COMMD3: variants seen among roughly 807,000 people sequenced by gnomAD.
COMMD3 encodes COMM domain-containing protein 3.
A neutral mutation model predicts 31.2 loss-of-function variants in COMMD3; 31 were observed. That is an observed-to-expected ratio of 0.99 (90% confidence interval 0.75 to 1.34). The LOEUF (loss-of-function observed/expected upper bound fraction) is 1.34, where lower values mean the gene tolerates loss of function less well. COMMD3 is among the 40% of genes most tolerant of loss of function. The probability of loss-of-function intolerance (pLI) is 0.00; values close to 1 mark genes in which losing one functional copy is unlikely to be tolerated. For missense variants in COMMD3, 274 were observed against 236.9 expected, an observed-to-expected ratio of 1.16 and a Z score of -1.03; for synonymous variants, 108 against 87.3, an observed-to-expected ratio of 1.24 and a Z score of -1.32.
chr10:22,316,831 G>C (rs1835859303), intron 1 of COMMD3: 1 of 317,806 alleles, frequency 3.1e-6, no homozygotes, highest in Non-Finnish European at 5.6e-6. Flanking sequence ...TAAAGCCGGT[G>C]TTCAAGTCTT....
rs763877450 is a variant in COMMD3, at chr10:22,318,738, C to A, written c.411+25C>A. On this transcript the variant is annotated intron_variant, in intron 5 of 7. Coordinates refer to ENST00000376836, the MANE Select transcript of COMMD3 (RefSeq NM_012071.4). ...GGTAAAGTTTAAGAAACTTCTCTAG[C>A]GGGGGATTTAGGGAACTTCTTAAAA... 1.1e-5 allele frequency: 17 copies of A among 1,612,086 alleles called. No homozygotes were observed. In the Admixed American group the frequency reaches 2.7e-4, roughly 25 times the overall value.
rs1465412977 is a variant in COMMD3 at position 22,320,020 on chromosome 10, C to T, written c.*22C>T. ...GTAACTTGGGGAAGTTAACGATCCG[C>T]CCGAGTGCAGAGGAAAACCAGAAAC... On this transcript the variant is annotated 3_prime_UTR_variant, in exon 8 of 8. Coordinates refer to ENST00000376836, the MANE Select transcript of COMMD3 (RefSeq NM_012071.4). 8 of 1,613,980 alleles carry T rather than the reference C, an allele frequency of 5.0e-6. No homozygotes were observed. Among genetic ancestry groups the T allele is most frequent in the African/African-American group, 1.3e-5 (1 of 74,906 alleles).
chr10:22,317,204 G>C (rs139047523), intron 1 of COMMD3, among the ~76,000 whole-genome samples: 1 of 152,112 alleles, frequency 6.6e-6, no homozygotes, highest in South Asian at 2.1e-4. Flanking sequence ...ATGGATTGAA[G>C]ACATATTTTA....
At position 22,318,115 on chromosome 10, in the gene COMMD3, G is replaced by C. The variant is rs759874425; in HGVS notation, c.262G>C (p.Glu88Gln). Reference protein sequence around the residue: ...ADKSTLSTYLEDCKFDRERIE... With the variant: ...ADKSTLSTYLQDCKFDRERIE... ...TTTTCTTTCTTCTAGCACTTATCTA[G>C]AAGACTGTAAATTTGACAGAGAGCG... Residue 88 changes from glutamate to glutamine, a missense_variant, in exon 3 of 8, where the codon GAA becomes CAA. Physicochemically the swap from Glu to Gln is conservative, Grantham distance 29. Transcript: ENST00000376836. 1 of 1,612,392 alleles carries C rather than the reference G, an allele frequency of 6.2e-7. No homozygotes were observed. The highest frequency in any genetic ancestry group is 1.3e-5 in the African/African-American group (1 of 74,702).
At position 22,318,129 on chromosome 10, in the gene COMMD3, T is replaced by C. The variant is rs1244299347; in HGVS notation, c.276T>C (p.Phe92=). 6.2e-7 allele frequency: 1 copy of C among 1,613,020 alleles called. No homozygotes were observed. The highest frequency in any genetic ancestry group is 1.1e-5 in the South Asian group (1 of 90,890). ...GCACTTATCTAGAAGACTGTAAATT[T>C]GACAGAGAGCGAATAGAACTGTTTT... is the stretch of plus-strand genomic sequence containing the variant. ...TLSTYLEDCK[F]DRERIELFCT... Residue 92 remains phenylalanine, a synonymous_variant, in exon 3 of 8, where the codon TTT becomes TTC. Transcript: ENST00000376836.
In COMMD3 at chr10:22,317,851, T is replaced by C. The variant is rs1835879467; in HGVS notation, c.140-33T>C. The C allele has an allele frequency of 3.1e-6, 5 of 1,606,320 alleles. No individual in the cohort carries two copies. In the East Asian group the frequency reaches 8.9e-5, roughly 29 times the overall value. ...GAACATGACTGTAAAGAATTTATTA[T>C]CATAGGCATCACTGGAAGTTAATTT... On this transcript the variant is annotated intron_variant, in intron 1 of 7. Coordinates refer to ENST00000376836, the MANE Select transcript of COMMD3 (RefSeq NM_012071.4).
intron 7 of COMMD3, 55 bp from the exon 8 acceptor site, chr10:22,319,884 A>C (rs370026480): frequency 4.4e-6 from 7 of 1,602,906 alleles, no homozygotes; most frequent in Non-Finnish European, 6.0e-6. Flanking sequence ...TTGAGCTTGG[A>C]TACTTCTTTC....
Position 22,319,355 on chromosome 10 carries a change from C to G in COMMD3, c.528+337C>G, listed in dbSNP as rs1125094. 1,840 of 210,762 alleles carry G rather than the reference C, an allele frequency of 8.7e-3. 31 individuals are homozygous for G. The highest frequency in any genetic ancestry group is 0.038 in the African/African-American group (1,663 of 43,500). 13.1% of individuals were successfully genotyped at this position (210,762 alleles called of 1,614,324 possible). A position where few individuals can be genotyped will look rare whatever the true frequency, so the allele number is the denominator to read the frequency against. ...GAGCATGGCTTTGAAAATGTCTTTG[C>G]TTTCAGAAATTGAATTAAACTGTCA... On this transcript the variant is annotated intron_variant, in intron 7 of 7. Coordinates refer to ENST00000376836, the MANE Select transcript of COMMD3 (RefSeq NM_012071.4).
chr10:22,318,461 A>G, intron 4 of COMMD3, 155 bp downstream of exon 4: 1 of 1,194,346 alleles, frequency 8.4e-7, no homozygotes, highest in Non-Finnish European at 1.2e-6. Flanking sequence ...GTTTTTAAAG[A>G]TCGTTTATTG....
At chr10:22,318,778 C>G in intron 5 of COMMD3, 28 bp from the exon 6 acceptor site, 1 of 1,613,734 alleles carries the variant, frequency 6.2e-7, no homozygotes, top group Non-Finnish European at 8.5e-7. Flanking sequence ...GAGTTAAAAG[C>G]TGTTGCGTGT....
intron 4 of COMMD3, 41 bp downstream of exon 4, chr10:22,318,347 TTGCAGGTA>T: frequency 6.3e-7 from 1 of 1,577,180 alleles, no homozygotes; most frequent in Non-Finnish European, 8.6e-7. Flanking sequence ...CACTTTTCAC[TTGCAGGTA>T]TGAATGGAGA....
chr10:22,317,312 A>G (rs993254310), intron 1 of COMMD3, among the ~76,000 whole-genome samples: 1 of 152,172 alleles, frequency 6.6e-6, no homozygotes, highest in Non-Finnish European at 1.5e-5. Context: ...ACACTTGTAC[A>G]AAAAGTATGA....
rs1402959537 is a variant in COMMD3 at position 22,317,949 on chromosome 10, TA to T, written c.206del (p.Tyr69SerfsTer3). On this transcript the variant is annotated frameshift_variant, in exon 2 of 8. Coordinates refer to ENST00000376836, the MANE Select transcript of COMMD3 (RefSeq NM_012071.4). LOFTEE classifies it high-confidence loss of function. ...ACATTGTCATGCAGCAGCTGCAACT[TA>T]CATACTAGAGGCAGGAAAGCACCGA... ...LKHCHAAAAT[Y>X]ILEAGKHRAD... The T allele has an allele frequency of 1.2e-6, 2 of 1,614,032 alleles. No homozygotes were observed. Among genetic ancestry groups the T allele is most frequent in the Non-Finnish European group, 1.7e-6 (2 of 1,179,930 alleles).
Position 22,320,148 on chromosome 10 carries a change from T to A in COMMD3, c.*150T>A. 6.5e-7 allele frequency: 1 copy of A among 1,541,506 alleles called. No homozygotes were observed. Among genetic ancestry groups the A allele is most frequent in the Non-Finnish European group, 8.8e-7 (1 of 1,141,904 alleles). On this transcript the variant is annotated 3_prime_UTR_variant, in exon 8 of 8. Transcript: ENST00000376836. ...ATACCATTCATCAATTTTGACACTT[T>A]AAAAACGTGTGAAAGGGTTAAGAGG...
rs762342567 is a variant in COMMD3 at position 22,320,001 on chromosome 10, T to A, written c.*3T>A. 2 of 1,614,132 alleles carry A rather than the reference T, an allele frequency of 1.2e-6. No homozygotes were observed. Among genetic ancestry groups the A allele is most frequent in the East Asian group, 2.2e-5 (1 of 44,884 alleles). ...TGGAAAGAGCAACTCAGTTGTAACTTGGGGAAGTTAACGATCCGCCCGAGT... is the reference window on the plus strand; with the variant it reads ...TGGAAAGAGCAACTCAGTTGTAACTAGGGGAAGTTAACGATCCGCCCGAGT... On this transcript the variant is annotated 3_prime_UTR_variant, in exon 8 of 8. Transcript: ENST00000376836.
chr10:22,320,026 T>A lies in COMMD3; in HGVS notation c.*28T>A, dbSNP rs1835935111. 1 of 1,613,870 alleles carries A rather than the reference T, an allele frequency of 6.2e-7. No individual in the cohort carries two copies. The highest frequency in any genetic ancestry group is 8.5e-7 in the Non-Finnish European group (1 of 1,179,956). ...TGGGGAAGTTAACGATCCGCCCGAGTGCAGAGGAAAACCAGAAACGCCTTG... is the reference window on the plus strand; with the variant it reads ...TGGGGAAGTTAACGATCCGCCCGAGAGCAGAGGAAAACCAGAAACGCCTTG... On this transcript the variant is annotated 3_prime_UTR_variant, in exon 8 of 8. Coordinates refer to ENST00000376836, the MANE Select transcript of COMMD3 (RefSeq NM_012071.4).
Position 22,317,213 on chromosome 10 carries a change from T to C in COMMD3, c.139+657T>C, listed in dbSNP as rs1835867401. On this transcript the variant is annotated intron_variant, in intron 1 of 7. Transcript: ENST00000376836. Reference sequence around the variant, plus strand: ...GTCAGTATGGATTGAAGACATATTTTAAGACCGATCGCTTTTAGATGATTT... The same window carrying C: ...GTCAGTATGGATTGAAGACATATTTCAAGACCGATCGCTTTTAGATGATTT... 2.0e-5 allele frequency among the ~76,000 whole-genome samples: 3 copies of C among 152,212 alleles called. 1 individual carries two copies. The highest frequency in any genetic ancestry group is 3.8e-4 in the East Asian group (2 of 5,208).
At chr10:22,318,197 A>C (rs1355835237) in intron 3 of COMMD3, 29 bp downstream of exon 3, 3 of 1,596,802 alleles carry the variant, frequency 1.9e-6, no homozygotes, top group Non-Finnish European at 8.5e-7. Flanking sequence ...TTTAATTAAC[A>C]GTACTATTTT....
At chr10:22,318,926 G>C (rs373229413) in intron 6 of COMMD3, 33 bp from the exon 7 acceptor site, 7 of 1,611,070 alleles carry the variant, frequency 4.3e-6, no homozygotes, top group Admixed American at 1.7e-5. Flanking sequence ...AATAAACAGC[G>C]TTTCTTGTTG....
Sources: allele counts gnomAD v4.1 joint callset (sites outside exome capture counted in the v4.1 genomes callset), GRCh38; gene constraint gnomAD v4.1.1; transcripts MANE v1.5; gene names NCBI Gene and HGNC (gene_info 2026-07-23, HGNC 2026-07-21).